RTTN: variants seen among roughly 807,000 people sequenced by gnomAD.
The protein encoded by RTTN is rotatin.
A neutral mutation model predicts 269.2 loss-of-function variants in RTTN; 182 were observed. That is an observed-to-expected ratio of 0.68 (90% CI 0.60 to 0.76). The LOEUF (loss-of-function observed/expected upper bound fraction) is 0.76, where lower values mean the gene tolerates loss of function less well. RTTN is among the 30% of genes least tolerant of loss of function. The pLI is 0.00. For synonymous variants in RTTN, 1,006 were observed against 963.5 expected, an observed-to-expected ratio of 1.04 and a Z score of -0.82; for missense variants, 2,545 against 2,608.6, an observed-to-expected ratio of 0.98 and a Z score of 0.53.
intron 3 of RTTN, among the ~76,000 whole-genome samples, chr18:70,202,915 G>GT (rs1286304164): frequency 6.6e-6 from 1 of 151,632 alleles, no homozygotes; most frequent in Non-Finnish European, 1.5e-5. Flanking sequence ...AGCTGAAGCT[G>GT]TAACAGTACT....
chr18:70,083,476 AC>A (rs2058624176), intron 32 of RTTN, among the ~76,000 whole-genome samples: 1 of 152,194 alleles, frequency 6.6e-6, no homozygotes, highest in African/African-American at 2.4e-5. Context: ...AACATTCTAC[AC>A]AGGAAGATTA....
intron 40 of RTTN, among the ~76,000 whole-genome samples, chr18:70,041,904 C>T (rs1427018538): frequency 6.6e-6 from 1 of 151,970 alleles, no homozygotes; most frequent in East Asian, 1.9e-4. Flanking sequence ...ATCTGATAAG[C>T]CCCAGAAGAC....
intron 3 of RTTN, among the ~76,000 whole-genome samples, chr18:70,202,394 C>T (rs1050084042): frequency 3.3e-5 from 5 of 152,198 alleles, no homozygotes; most frequent in African/African-American, 1.2e-4. Flanking sequence ...CAAATATTAT[C>T]TTTCAATACC....
chr18:70,151,398 G>A (rs2060534090), intron 14 of RTTN, among the ~76,000 whole-genome samples: 2 of 151,364 alleles, frequency 1.3e-5, no homozygotes, highest in South Asian at 2.1e-4. Context: ...AGCTATTTAA[G>A]GTGAGAGGGG....
chr18:70,135,109 C>T (rs550467492), intron 22 of RTTN, 75 bp downstream of exon 22: 2 of 810,892 alleles, frequency 2.5e-6, no homozygotes, highest in Admixed American at 2.9e-5. Flanking sequence ...AATTTCCATG[C>T]CTTGCTATAA....
At chr18:70,184,320 G>A (rs1316465053) in intron 10 of RTTN, among the ~76,000 whole-genome samples, 4 of 152,144 alleles carry the variant, frequency 2.6e-5, no homozygotes, top group African/African-American at 4.8e-5. Flanking sequence ...CTGGGAGGCC[G>A]AGGCAGGCAG....
At chr18:70,100,300 C>G (rs924557529) in intron 28 of RTTN, among the ~76,000 whole-genome samples, 1 of 152,154 alleles carries the variant, frequency 6.6e-6, no homozygotes, top group African/African-American at 2.4e-5. Flanking sequence ...CTTCACATCC[C>G]TTGTAAGTTG....
chr18:70,167,918 G>A (rs1450821925), intron 12 of RTTN, among the ~76,000 whole-genome samples: 1 of 152,014 alleles, frequency 6.6e-6, no homozygotes, highest in Non-Finnish European at 1.5e-5. Context: ...AGGCCAAGGT[G>A]GGAGGACAGC....
At chr18:70,005,146 C>A in intron 48 of RTTN, 52 bp downstream of exon 48, 1 of 1,373,828 alleles carries the variant, frequency 7.3e-7, no homozygotes, top group Non-Finnish European at 1.0e-6. Flanking sequence ...ATCAGAAAAT[C>A]CACTTAATAG....
At chr18:70,049,112 G>C (rs967271112) in intron 39 of RTTN, among the ~76,000 whole-genome samples, 1 of 152,122 alleles carries the variant, frequency 6.6e-6, no homozygotes, top group Non-Finnish European at 1.5e-5. Flanking sequence ...TTTCTGTAAA[G>C]GTCCAAGTAG....
chr18:70,099,952 G>T (rs996519306), intron 28 of RTTN, among the ~76,000 whole-genome samples: 3 of 152,108 alleles, frequency 2.0e-5, no homozygotes, highest in African/African-American at 7.2e-5. Context: ...CTCTGTTTTG[G>T]TACCAGTACC....
Position 70,205,681 on chromosome 18 carries a change from G to T in RTTN, c.-23C>A, listed in dbSNP as rs1001553601. ...CATCTCGTCCCGTCAATCTGCAGCC[G>T]CCGGAGAATTAAACTGCCGCGCCAC... On this transcript the variant is annotated 5_prime_UTR_variant, in exon 1 of 49. Coordinates refer to ENST00000640769, the MANE Select transcript of RTTN (RefSeq NM_173630.4). The T allele has an allele frequency of 6.2e-7, 1 of 1,613,950 alleles. No homozygotes were observed. The highest frequency in any genetic ancestry group is 1.7e-5 in the Admixed American group (1 of 60,024).
At chr18:70,098,331 G>A (rs1327026949) in intron 28 of RTTN, among the ~76,000 whole-genome samples, 1 of 152,068 alleles carries the variant, frequency 6.6e-6, no homozygotes, top group Non-Finnish European at 1.5e-5. Flanking sequence ...CCCCAAACTA[G>A]CAGAAGACAA....
chr18:70,027,310 T>G (rs187404089), intron 43 of RTTN, among the ~76,000 whole-genome samples: 161 of 152,318 alleles, frequency 1.1e-3, no homozygotes, highest in African/African-American at 3.7e-3. Context: ...GAACATGCCA[T>G]ACACCTGATA....
At chr18:70,045,386 T>C (rs285225) in intron 40 of RTTN, among the ~76,000 whole-genome samples, 152,291 of 152,320 alleles carry the variant, frequency 1, 76,131 homozygotes, top group Non-Finnish European at 1. Context: ...TTGAGTATGA[T>C]TTTACAGAAA....
intron 8 of RTTN, among the ~76,000 whole-genome samples, chr18:70,192,293 A>G (rs2061689945): frequency 6.6e-6 from 1 of 152,270 alleles, no homozygotes; most frequent in East Asian, 1.9e-4. Context: ...AAAGAGACTA[A>G]TATGTTTCTA....
intron 46 of RTTN, chr18:70,008,401 T>G (rs541877837): frequency 1.3e-5 from 2 of 152,156 alleles, no homozygotes; most frequent in African/African-American, 4.8e-5. Context: ...GGATGGAGAA[T>G]GAGTTTGACG....
chr18:70,068,616 A>C (rs964212255), intron 34 of RTTN, among the ~76,000 whole-genome samples: 1 of 152,206 alleles, frequency 6.6e-6, no homozygotes, highest in Non-Finnish European at 1.5e-5. Context: ...GTTTAAGAGC[A>C]AACTTAGTCT....
At chr18:70,041,398 ACAC>A (rs2057336155) in intron 40 of RTTN, among the ~76,000 whole-genome samples, 1 of 151,590 alleles carries the variant, frequency 6.6e-6, no homozygotes, top group African/African-American at 2.4e-5. Flanking sequence ...ACACACACAC[ACAC>A]AAGCCTGAAA....
Sources: gnomAD v4.1 joint callset for allele counts (sites outside exome capture counted in the v4.1 genomes callset) on GRCh38, gnomAD v4.1.1 for gene constraint, MANE v1.5 for transcripts, NCBI Gene and HGNC (gene_info 2026-07-23, HGNC 2026-07-21) for gene names.